Variants in RBFOX1 observed in about 807,000 individuals in gnomAD.
The protein encoded by RBFOX1 is RNA binding protein fox-1 homolog 1.
A neutral mutation model predicts 57.7 loss-of-function variants in RBFOX1; 8 were observed. The observed-to-expected ratio is 0.14, with a 90% CI of 0.08 to 0.25. The LOEUF is 0.25. Ranked by LOEUF, RBFOX1 falls within the 10% of genes least tolerant of loss-of-function variation. RBFOX1 has a pLI of 1.00. For missense variants in RBFOX1, 611 were observed against 548.5 expected, an observed-to-expected ratio of 1.11 and a Z score of -1.14; for synonymous variants, 326 against 222.4, an observed-to-expected ratio of 1.47 and a Z score of -4.15.
chr16:6,635,464 G>C (rs2098423903), intron 2 of RBFOX1, among the ~76,000 whole-genome samples: 1 of 152,126 alleles, frequency 6.6e-6, no homozygotes, highest in Admixed American at 6.6e-5. Context: ...GGTAGAGGAG[G>C]AAGTGATAAC....
At chr16:6,386,524 G>A (rs2092294108) in intron 2 of RBFOX1, among the ~76,000 whole-genome samples, 1 of 152,016 alleles carries the variant, frequency 6.6e-6, no homozygotes, top group Admixed American at 6.6e-5. Context: ...GCACCTTTTC[G>A]AGCTTATATT....
At chr16:7,139,210 T>TTGTG (rs996715608) in intron 4 of RBFOX1, among the ~76,000 whole-genome samples, 1 of 96,096 alleles carries the variant, frequency 1.0e-5, no homozygotes, top group Non-Finnish European at 2.1e-5. Flanking sequence ...GTGTGTGTGT[T>TTGTG]TGTGTGTGTG....
intron 4 of RBFOX1, among the ~76,000 whole-genome samples, chr16:7,281,214 G>T (rs566382859): frequency 6.6e-6 from 1 of 151,988 alleles, no homozygotes; most frequent in African/African-American, 2.4e-5. Context: ...TGTTGGCCAA[G>T]CTGGTCTCAG....
At chr16:7,567,147 A>C (rs201854099) in intron 5 of RBFOX1, among the ~76,000 whole-genome samples, 1 of 31,556 alleles carries the variant, frequency 3.2e-5, no homozygotes, top group Admixed American at 3.0e-4. Flanking sequence ...ATCCATATAT[A>C]TCCCTATATA....
chr16:5,604,673 G>T (rs932357072), downstream of RBFOX1, among the ~76,000 whole-genome samples: 1 of 152,140 alleles, frequency 6.6e-6, no homozygotes, highest in African/African-American at 2.4e-5. Context: ...GCCGCACTGA[G>T]GTCTGTCCAT....
At chr16:6,340,878 G>A (rs1442825969) in intron 2 of RBFOX1, among the ~76,000 whole-genome samples, 1 of 152,090 alleles carries the variant, frequency 6.6e-6, no homozygotes, top group Non-Finnish European at 1.5e-5. Context: ...AGTGAGCCAG[G>A]GAAAGAGAGA....
At chr16:6,118,909 C>G (rs1025490865) in intron 1 of RBFOX1, among the ~76,000 whole-genome samples, 7 of 151,982 alleles carry the variant, frequency 4.6e-5, no homozygotes, top group African/African-American at 1.7e-4. Context: ...CCAATACCAT[C>G]ACATTAGTGA....
At chr16:7,571,001 A>T (rs1401412181) in intron 5 of RBFOX1, among the ~76,000 whole-genome samples, 1 of 152,204 alleles carries the variant, frequency 6.6e-6, no homozygotes, top group Non-Finnish European at 1.5e-5. Context: ...CGAACACTGC[A>T]TGTTCTCACT....
At chr16:6,990,434 A>AGAATC (rs2091235149) in intron 3 of RBFOX1, among the ~76,000 whole-genome samples, 1 of 152,106 alleles carries the variant, frequency 6.6e-6, no homozygotes, top group African/African-American at 2.4e-5. Context: ...CGGAGGCAGG[A>AGAATC]GAATCGCTTG....
intron 3 of RBFOX1, among the ~76,000 whole-genome samples, chr16:7,047,217 A>G (rs78335211): frequency 0.034 from 5,121 of 152,180 alleles, 118 homozygotes; most frequent in Middle Eastern, 0.058. Context: ...AAAACTTCCT[A>G]TAGCGATTAT....
rs192695852 is a variant in RBFOX1, at chr16:6,749,177, T to A, written c.-16+94527T>A. On this transcript the variant is annotated intron_variant, in intron 3 of 15. Transcript: ENST00000550418. ...AGAAAAAGTTATGGTCTCAGGCAGA[T>A]CTGAGTTTGGATCCTGCTCTGCTGT... Among the ~76,000 whole-genome samples, 596 of 152,268 alleles carry A rather than the reference T, an allele frequency of 3.9e-3. 3 individuals are homozygous for A. Among genetic ancestry groups the A allele is most frequent in the Non-Finnish European group, 6.5e-3 (442 of 68,018 alleles).
At chr16:6,797,552 C>G (rs2084369690) in intron 3 of RBFOX1, among the ~76,000 whole-genome samples, 1 of 152,196 alleles carries the variant, frequency 6.6e-6, no homozygotes, top group African/African-American at 2.4e-5. Context: ...TATTATATTA[C>G]AATGGGGGTA....
At chr16:6,797,800 A>G (rs1468685004) in intron 3 of RBFOX1, among the ~76,000 whole-genome samples, 1 of 152,182 alleles carries the variant, frequency 6.6e-6, no homozygotes, top group Non-Finnish European at 1.5e-5. Flanking sequence ...TTTGGTAAGA[A>G]GTAACACAAC....
intron 11 of RBFOX1, among the ~76,000 whole-genome samples, chr16:7,633,340 G>C (rs775550033): frequency 3.3e-5 from 5 of 152,168 alleles, no homozygotes; most frequent in African/African-American, 4.8e-5. Flanking sequence ...TTATGAAATT[G>C]TATAATGTGC....
At chr16:5,858,807 T>C (rs766702290) in intron 3 of RBFOX1, among the ~76,000 whole-genome samples, 91 of 152,212 alleles carry the variant, frequency 6.0e-4, no homozygotes, top group Admixed American at 1.6e-3. Flanking sequence ...TTTCCTTTTT[T>C]ACACTTATGG....
intron 1 of RBFOX1, among the ~76,000 whole-genome samples, chr16:5,328,476 T>C (rs910191769): frequency 6.6e-6 from 1 of 152,248 alleles, no homozygotes; most frequent in Admixed American, 6.5e-5. Flanking sequence ...TTTGTTATGC[T>C]TGCCCTAGCA....
intron 14 of RBFOX1, among the ~76,000 whole-genome samples, chr16:7,703,809 A>G (rs2081532793): frequency 6.6e-6 from 1 of 152,198 alleles, no homozygotes; most frequent in African/African-American, 2.4e-5. Context: ...ATCCATTTGA[A>G]CTACATCTGT....
chr16:6,245,409 C>T (rs1319711372), intron 1 of RBFOX1, among the ~76,000 whole-genome samples: 4 of 152,022 alleles, frequency 2.6e-5, no homozygotes, highest in Non-Finnish European at 4.4e-5. Flanking sequence ...CCAATAATTC[C>T]AGTTTTCATT....
chr16:5,627,495 A>G (rs917743529), intron 3 of RBFOX1, among the ~76,000 whole-genome samples: 1 of 152,168 alleles, frequency 6.6e-6, no homozygotes, highest in East Asian at 1.9e-4. Context: ...TTTGAGTACA[A>G]AGCAATAGAT....
Sources: gnomAD v4.1 joint callset for allele counts (sites outside exome capture counted in the v4.1 genomes callset) on GRCh38, gnomAD v4.1.1 for gene constraint, MANE v1.5 for transcripts, NCBI Gene and HGNC (gene_info 2026-07-23, HGNC 2026-07-21) for gene names.